Variants in COBLL1 observed in about 807,000 individuals in gnomAD.
COBLL1 encodes cordon-bleu WH2 repeat protein like 1, also known as cordon-bleu protein-like 1.
COBLL1 carries 50 observed loss-of-function variants against 94.8 expected under a neutral mutation model. That is an observed-to-expected ratio of 0.53 (90% CI 0.42 to 0.67). The LOEUF is 0.67. Ranked by LOEUF, COBLL1 falls within the 30% of genes least tolerant of loss-of-function variation. The pLI is 0.00. For missense variants in COBLL1, 1,362 were observed against 1,348.7 expected, an observed-to-expected ratio of 1.01 and a Z score of -0.15; for synonymous variants, 448 against 473.8, an observed-to-expected ratio of 0.95 and a Z score of 0.71.
chr2:164,780,303 G>A (rs1297031414), intron 2 of COBLL1, among the ~76,000 whole-genome samples: 2 of 152,128 alleles, frequency 1.3e-5, no homozygotes, highest in Non-Finnish European at 1.5e-5. Flanking sequence ...GACACGGAGG[G>A]TTCTACTGCC....
rs375406499 is a variant in COBLL1 at position 164,706,877 on chromosome 2, T to C, written c.997-1772A>G. 2.6e-5 allele frequency among the ~76,000 whole-genome samples: 4 copies of C among 152,336 alleles called. No homozygotes were observed. In the East Asian group the frequency reaches 5.8e-4, roughly 22 times the overall value. On this transcript the variant is annotated intron_variant, in intron 7 of 13. Transcript: ENST00000652658. ...CAGAAAAAAGGATCCTATTAAAATG[T>C]AAGCCAGATTAGGTAACTTTGGTCA... is the stretch of plus-strand genomic sequence containing the variant.
At chr2:164,828,120 C>T (rs1685520153) in intron 2 of COBLL1, among the ~76,000 whole-genome samples, 1 of 152,096 alleles carries the variant, frequency 6.6e-6, no homozygotes, top group South Asian at 2.1e-4. Context: ...ATTAATTACT[C>T]GGTTCAATAC....
At chr2:164,747,463 G>C (rs183407907) in intron 2 of COBLL1, among the ~76,000 whole-genome samples, 73 of 152,210 alleles carry the variant, frequency 4.8e-4, no homozygotes, top group African/African-American at 1.7e-3. Context: ...GTAGGACAAA[G>C]CGCTACTTGA....
intron 1 of COBLL1, among the ~76,000 whole-genome samples, chr2:164,674,449 G>A (rs186710786): frequency 1.8e-3 from 271 of 152,258 alleles, no homozygotes; most frequent in African/African-American, 6.3e-3. Context: ...GGACTCTAGA[G>A]TCAAAATGCC....
chr2:164,728,163 G>A lies in COBLL1; in HGVS notation c.467C>T (p.Thr156Ile), dbSNP rs761916122. Residue 156 changes from threonine to isoleucine, a missense_variant, in exon 5 of 14, where the codon ACA becomes ATA. Coordinates refer to ENST00000652658, the MANE Select transcript of COBLL1 (RefSeq NM_001365672.2). ...ACTCACTCTCACTATGGTCTTCTGT[G>A]TTTTCTTAAAATTAATCACTACTCT... ...TVRVVINFKK[T>I]QKTIVRVSPH... 4 of 1,613,316 alleles carry A rather than the reference G, an allele frequency of 2.5e-6. No homozygotes were observed. The highest frequency in any genetic ancestry group is 3.4e-6 in the Non-Finnish European group (4 of 1,179,480).
chr2:164,798,997 G>A (rs776821295), intron 2 of COBLL1, among the ~76,000 whole-genome samples: 93 of 115,130 alleles, frequency 8.1e-4, no homozygotes, highest in Non-Finnish European at 7.3e-4. Context: ...CCCAGCCTGG[G>A]TGACAGAGCA....
At chr2:164,818,058 G>A (rs542097247) in intron 2 of COBLL1, among the ~76,000 whole-genome samples, 97 of 151,166 alleles carry the variant, frequency 6.4e-4, no homozygotes, top group Non-Finnish European at 1.2e-3. Flanking sequence ...TTATTCCACT[G>A]GAAAACACAC....
At chr2:164,748,392 C>T (rs748776538) in intron 2 of COBLL1, among the ~76,000 whole-genome samples, 5 of 152,146 alleles carry the variant, frequency 3.3e-5, no homozygotes, top group African/African-American at 2.4e-5. Flanking sequence ...ACAAAATTGT[C>T]ACCCAAAGTT....
At chr2:164,767,095 A>C (rs1415765946) in intron 2 of COBLL1, among the ~76,000 whole-genome samples, 2 of 152,226 alleles carry the variant, frequency 1.3e-5, no homozygotes, top group Non-Finnish European at 2.9e-5. Context: ...AACTGTGTTT[A>C]ACTTATGTAC....
chr2:164,767,993 T>C (rs961903696), intron 2 of COBLL1, among the ~76,000 whole-genome samples: 3 of 152,188 alleles, frequency 2.0e-5, no homozygotes, highest in Non-Finnish European at 4.4e-5. Context: ...GAACAGACTT[T>C]CAGCATGTAT....
At chr2:164,687,264 G>A (rs1683347817) in intron 13 of COBLL1, 2 of 544,574 alleles carry the variant, frequency 3.7e-6, no homozygotes, top group South Asian at 2.5e-5. Flanking sequence ...GTATTAAGAG[G>A]GGAAGCACAG....
chr2:164,687,569 A>C, intron 13 of COBLL1: 1 of 1,215,396 alleles, frequency 8.2e-7, no homozygotes. Flanking sequence ...GGTTTTCCAA[A>C]GGCACCTCGC....
At chr2:164,761,889 C>T (rs1403849907) in intron 2 of COBLL1, among the ~76,000 whole-genome samples, 2 of 152,194 alleles carry the variant, frequency 1.3e-5, no homozygotes, top group Non-Finnish European at 2.9e-5. Context: ...TGCCAAGTAC[C>T]TACCAGGCCC....
intron 2 of COBLL1, among the ~76,000 whole-genome samples, chr2:164,822,341 G>A (rs1166267033): frequency 6.6e-6 from 1 of 152,190 alleles, no homozygotes; most frequent in Non-Finnish European, 1.5e-5. Flanking sequence ...GCTGTCTGAT[G>A]TCAAACTGGC....
intron 3 of COBLL1, among the ~76,000 whole-genome samples, chr2:164,738,799 C>T (rs1437595634): frequency 6.6e-6 from 1 of 152,024 alleles, no homozygotes; most frequent in Non-Finnish European, 1.5e-5. Context: ...TTGAAATGCT[C>T]CAATAAACAT....
chr2:164,684,932 C>T lies in COBLL1; in HGVS notation c.*1014G>A, dbSNP rs755111382. The T allele has an allele frequency of 3.9e-5, 6 of 152,066 alleles. No homozygotes were observed. The East Asian group carries it at 7.7e-4, about 20-fold the overall frequency. The allele number at this position is 152,066 out of a possible 1,614,324, so 9.4% of individuals were successfully genotyped here. A position where few individuals can be genotyped will look rare whatever the true frequency, so the allele number is the denominator to read the frequency against. ...CAGAACACCAACAGGCTCTAGACTC[C>T]GGAAGAGCTGTAAGCCGACAAATGG... On this transcript the variant is annotated 3_prime_UTR_variant, in exon 14 of 14. Coordinates refer to ENST00000652658, the MANE Select transcript of COBLL1 (RefSeq NM_001365672.2).
At chr2:164,787,465 TAACA>T (rs1160904549) in intron 2 of COBLL1, among the ~76,000 whole-genome samples, 1 of 149,498 alleles carries the variant, frequency 6.7e-6, no homozygotes, top group African/African-American at 2.4e-5. Flanking sequence ...ATATGTTAAT[TAACA>T]GTGGTAATCA....
intron 13 of COBLL1, among the ~76,000 whole-genome samples, chr2:164,690,004 G>A (rs1683509166): frequency 6.6e-6 from 1 of 152,016 alleles, no homozygotes; most frequent in African/African-American, 2.4e-5. Flanking sequence ...GCACATTGTT[G>A]CATTTTACTA....
At position 164,658,688 on chromosome 2, in the gene COBLL1, T is replaced by G. The variant is rs1691020698; in HGVS notation, n.182-4774A>C. On this transcript the variant is annotated intron_variant and non_coding_transcript_variant, in intron 2 of 2. Coordinates refer to the COBLL1 transcript ENST00000495084. ...TGCTATCAATGCCTAAGTGAAAGAT[T>G]TGGTGAAGGGTTTTAAGTAATTTCC... 2.0e-5 allele frequency among the ~76,000 whole-genome samples: 3 copies of G among 152,246 alleles called. No homozygotes were observed. In the South Asian group the frequency reaches 6.2e-4, roughly 32 times the overall value.
Sources: allele counts gnomAD v4.1 joint callset (sites outside exome capture counted in the v4.1 genomes callset), GRCh38; gene constraint gnomAD v4.1.1; transcripts MANE v1.5; gene names NCBI Gene and HGNC (gene_info 2026-07-23, HGNC 2026-07-21).